Variants in TSC22D1 observed in about 807,000 individuals in gnomAD.
The protein encoded by TSC22D1 is TSC22 domain family protein 1.
In TSC22D1, 9 loss-of-function variants were observed where a neutral mutation model predicts 74.2. The ratio of observed to expected loss-of-function variants is 0.12; its 90% CI spans 0.07 to 0.21. The LOEUF (loss-of-function observed/expected upper bound fraction) is 0.21. Ranked by LOEUF, TSC22D1 falls within the 10% of genes least tolerant of loss-of-function variation. TSC22D1 has a pLI of 1.00. For synonymous variants in TSC22D1, 586 were observed against 492.5 expected (o/e 1.19, Z -2.51); for missense variants, 1,427 against 1,304.7 (o/e 1.09, Z -1.44).
At chr13:44,437,235 A>G in intron 1 of TSC22D1, 1 of 985,548 alleles carries the variant, frequency 1.0e-6, no homozygotes, top group Non-Finnish European at 1.2e-6. Flanking sequence ...TAACGGCGAA[A>G]GCTTCCTATT....
chr13:44,509,395 T>C (rs1488959829), intron 1 of TSC22D1, among the ~76,000 whole-genome samples: 1 of 152,142 alleles, frequency 6.6e-6, no homozygotes, highest in Non-Finnish European at 1.5e-5. Flanking sequence ...TCCCAGCACT[T>C]TGGGAGGCCA....
Position 44,575,115 on chromosome 13 carries a change from A to G in TSC22D1, c.960T>C (p.Ala320=). The G allele has an allele frequency of 3.7e-6, 6 of 1,614,234 alleles. No individual in the cohort carries two copies. Among genetic ancestry groups the G allele is most frequent in the South Asian group, 1.1e-5 (1 of 91,076 alleles). Residue 320 remains alanine, a synonymous_variant, in exon 1 of 3, where the codon GCT becomes GCC. Transcript: ENST00000458659. The stretch of plus-strand genomic sequence containing the variant: ...TCACATTAGGATTAAAACTACCCAC[A>G]GCAGTAATGTTAACATTATTTACTG... ...TSTVNNVNIT[A]VGSFNPNVTS...
chr13:44,573,112 AGATT>A (rs780799032), intron 1 of TSC22D1, 47 bp downstream of exon 1: 13 of 1,577,890 alleles, frequency 8.2e-6, no homozygotes, highest in East Asian at 4.5e-5. Flanking sequence ...GCTACTAAAT[AGATT>A]AACTTCAAAT....
intron 1 of TSC22D1, among the ~76,000 whole-genome samples, chr13:44,524,802 T>G (rs1880472962): frequency 6.6e-6 from 1 of 152,162 alleles, no homozygotes; most frequent in South Asian, 2.1e-4. Context: ...GCCTCCCAAG[T>G]GCTGGGATTA....
intron 1 of TSC22D1, among the ~76,000 whole-genome samples, chr13:44,445,749 G>GTTA (rs1473156603): frequency 6.6e-6 from 1 of 151,960 alleles, no homozygotes; most frequent in Non-Finnish European, 1.5e-5. Flanking sequence ...ATATATGGAT[G>GTTA]GTAAATAAGC....
At chr13:44,446,657 A>G (rs950980670) in intron 1 of TSC22D1, among the ~76,000 whole-genome samples, 2 of 152,124 alleles carry the variant, frequency 1.3e-5, no homozygotes, top group Admixed American at 6.5e-5. Context: ...ATTGCTGTAC[A>G]CTAAAAAGGC....
At chr13:44,442,504 T>G (rs1294629031) in intron 1 of TSC22D1, among the ~76,000 whole-genome samples, 2 of 151,994 alleles carry the variant, frequency 1.3e-5, no homozygotes, top group African/African-American at 4.8e-5. Context: ...AATACAATAT[T>G]TGAGAAGAAA....
intron 1 of TSC22D1, among the ~76,000 whole-genome samples, chr13:44,503,560 G>GT (rs1189926283): frequency 6.6e-6 from 1 of 152,132 alleles, no homozygotes; most frequent in African/African-American, 2.4e-5. Context: ...TGTCCCAATA[G>GT]TTTTCTTCAA....
chr13:44,434,957 T>C, intron 2 of TSC22D1, 74 bp from the exon 3 acceptor site: 3 of 1,285,396 alleles, frequency 2.3e-6, no homozygotes, highest in Middle Eastern at 2.5e-4. Flanking sequence ...CAAGACATTA[T>C]TTTACATGGA....
chr13:44,557,850 G>C (rs1291028774), intron 1 of TSC22D1, among the ~76,000 whole-genome samples: 3 of 152,156 alleles, frequency 2.0e-5, no homozygotes, highest in Non-Finnish European at 4.4e-5. Context: ...AAATATTTAT[G>C]TCATGAAACT....
chr13:44,464,158 G>T (rs1015310560), intron 1 of TSC22D1, among the ~76,000 whole-genome samples: 12 of 152,120 alleles, frequency 7.9e-5, no homozygotes, highest in Admixed American at 7.2e-4. Flanking sequence ...GAATTTTAGG[G>T]TAACTTGTAA....
chr13:44,509,554 C>T (rs904147899), intron 1 of TSC22D1, among the ~76,000 whole-genome samples: 2 of 152,108 alleles, frequency 1.3e-5, no homozygotes, highest in Admixed American at 6.5e-5. Context: ...GCAGGAGAAT[C>T]GCTTGAACCC....
intron 1 of TSC22D1, among the ~76,000 whole-genome samples, chr13:44,548,915 T>C (rs1408608867): frequency 6.6e-6 from 1 of 152,202 alleles, no homozygotes; most frequent in Non-Finnish European, 1.5e-5. Context: ...TAAGTTTTAT[T>C]ATCCTAACAT....
rs763143263 is a variant in TSC22D1, at chr13:44,575,492, G to A, written c.583C>T (p.His195Tyr). 24 of 1,614,024 alleles carry A rather than the reference G, an allele frequency of 1.5e-5. No homozygotes were observed. The Admixed American group carries it at 2.2e-4, about 15-fold the overall frequency. ...TGAGGCAAATGAGGCTGAGGAAGGTGGGGCTGGTTGGGAGAGACTGCCCCA... is the reference window on the plus strand; with the variant it reads ...TGAGGCAAATGAGGCTGAGGAAGGTAGGGCTGGTTGGGAGAGACTGCCCCA... Reference protein sequence around the residue: ...TPGAVSPNQPHLPQPHLPHLP... With the variant: ...TPGAVSPNQPYLPQPHLPHLP... Residue 195 changes from histidine (H) to tyrosine (Y), a missense_variant, in exon 1 of 3, where the codon CAC becomes TAC. Physicochemically the swap from His to Tyr is moderately conservative, Grantham distance 83. Transcript: ENST00000458659.
At chr13:44,505,072 G>A (rs1398250315) in intron 1 of TSC22D1, among the ~76,000 whole-genome samples, 1 of 152,164 alleles carries the variant, frequency 6.6e-6, no homozygotes, top group Non-Finnish European at 1.5e-5. Flanking sequence ...GTCAAAGCCT[G>A]TGTCTTATAT....
intron 1 of TSC22D1, among the ~76,000 whole-genome samples, chr13:44,501,748 T>C (rs549525541): frequency 6.6e-6 from 1 of 152,180 alleles, no homozygotes; most frequent in Non-Finnish European, 1.5e-5. Context: ...TATCAAAGCC[T>C]CATAAATTTA....
intron 1 of TSC22D1, among the ~76,000 whole-genome samples, chr13:44,501,169 T>C (rs934241019): frequency 6.6e-6 from 1 of 152,046 alleles, no homozygotes; most frequent in Non-Finnish European, 1.5e-5. Flanking sequence ...TAGCAAGCAG[T>C]GAGGGACAAT....
chr13:44,551,033 G>A (rs1882203058), intron 1 of TSC22D1, among the ~76,000 whole-genome samples: 1 of 150,906 alleles, frequency 6.6e-6, no homozygotes, highest in Non-Finnish European at 1.5e-5. Context: ...CCTGAGCTTG[G>A]GGAAATTGAG....
rs113856983 is a variant in TSC22D1, at chr13:44,563,017, A to C, written c.2912+10146T>G. 5.2e-3 allele frequency among the ~76,000 whole-genome samples: 796 copies of C among 152,086 alleles called. 1 individual carries two copies. The highest frequency in any genetic ancestry group is 0.01 in the Middle Eastern group (3 of 294). Reference sequence around the variant, plus strand: ...CTACTTGGGAGGCTAAGGCAGGAGAATCGATGAACCCGCGAGGGGAAGGTT... The same window carrying C: ...CTACTTGGGAGGCTAAGGCAGGAGACTCGATGAACCCGCGAGGGGAAGGTT... On this transcript the variant is annotated intron_variant, in intron 1 of 2. Transcript: ENST00000458659.
Sources: gnomAD v4.1 joint callset for allele counts (sites outside exome capture counted in the v4.1 genomes callset) on GRCh38, gnomAD v4.1.1 for gene constraint, MANE v1.5 for transcripts, NCBI Gene and HGNC (gene_info 2026-07-23, HGNC 2026-07-21) for gene names.